Variants in SH3D19 observed in about 807,000 individuals in gnomAD.
SH3D19 encodes SH3 domain containing 19.
In SH3D19, 58 loss-of-function variants were observed where a neutral mutation model predicts 112.1. The observed-to-expected ratio is 0.52, with a 90% CI of 0.42 to 0.64. The LOEUF is 0.64. Ranked by LOEUF, SH3D19 falls within the 30% of genes least tolerant of loss-of-function variation. The pLI is 0.00. For missense variants in SH3D19, 1,090 were observed against 1,263.4 expected, an observed-to-expected ratio of 0.86 and a Z score of 2.08; for synonymous variants, 391 against 448.5, an observed-to-expected ratio of 0.87 and a Z score of 1.62.
At chr4:151,294,221 C>T (rs1473896055) in intron 1 of SH3D19, among the ~76,000 whole-genome samples, 1 of 152,232 alleles carries the variant, frequency 6.6e-6, no homozygotes, top group Non-Finnish European at 1.5e-5. Flanking sequence ...TTCAGCTTGT[C>T]TCCCTAACTG....
chr4:151,224,886 G>A (rs1008839150), intron 2 of SH3D19, among the ~76,000 whole-genome samples: 9 of 151,930 alleles, frequency 5.9e-5, no homozygotes, highest in Admixed American at 2.6e-4. Flanking sequence ...AGAATCTTAC[G>A]AACTGTTTAA....
chr4:151,290,135 A>G (rs1179665682), intron 1 of SH3D19, among the ~76,000 whole-genome samples: 3 of 152,164 alleles, frequency 2.0e-5, no homozygotes, highest in African/African-American at 7.2e-5. Flanking sequence ...TGTTTTGAAG[A>G]GACAGGGTTC....
intron 1 of SH3D19, chr4:151,279,925 G>A (rs1252655408): frequency 6.2e-7 from 1 of 1,613,460 alleles, no homozygotes; most frequent in African/African-American, 1.3e-5. Context: ...GTCAGTGAGA[G>A]GTTGATACTG....
At chr4:151,162,736 G>A (rs745390725) in intron 8 of SH3D19, among the ~76,000 whole-genome samples, 9 of 151,248 alleles carry the variant, frequency 6.0e-5, no homozygotes, top group South Asian at 2.1e-4. Flanking sequence ...CACCATGCCC[G>A]GCTTATTTTT....
intron 2 of SH3D19, among the ~76,000 whole-genome samples, chr4:151,198,935 G>A (rs918766075): frequency 4.6e-5 from 7 of 151,834 alleles, no homozygotes; most frequent in Non-Finnish European, 8.8e-5. Context: ...TCAGCAGTGG[G>A]TAGGCACGAA....
chr4:151,225,596 C>A (rs567303584), intron 2 of SH3D19, among the ~76,000 whole-genome samples: 1 of 152,254 alleles, frequency 6.6e-6, no homozygotes, highest in Admixed American at 6.5e-5. Flanking sequence ...AATAGCCAGC[C>A]ATCTCTGGCT....
intron 1 of SH3D19, among the ~76,000 whole-genome samples, chr4:151,258,404 G>T (rs1266600555): frequency 6.6e-6 from 1 of 152,200 alleles, no homozygotes; most frequent in East Asian, 1.9e-4. Context: ...CCAAATCAGG[G>T]ATCTGCCCTC....
At chr4:151,134,235 C>G (rs1297848680) in intron 15 of SH3D19, among the ~76,000 whole-genome samples, 2 of 152,230 alleles carry the variant, frequency 1.3e-5, no homozygotes, top group African/African-American at 4.8e-5. Context: ...CTGGGAGCAT[C>G]TGCTTATGTC....
chr4:151,247,716 T>C (rs1157815523), intron 1 of SH3D19, among the ~76,000 whole-genome samples: 1 of 152,192 alleles, frequency 6.6e-6, no homozygotes, highest in Non-Finnish European at 1.5e-5. Context: ...ATAACTTTAA[T>C]GTATATAAAC....
chr4:151,149,380 G>T (rs746537239), intron 10 of SH3D19, 120 bp downstream of exon 10: 2 of 732,248 alleles, frequency 2.7e-6, no homozygotes, highest in South Asian at 1.9e-5. Flanking sequence ...GCGTGAAATC[G>T]GTGAGATTAT....
Position 151,257,996 on chromosome 4 carries a change from G to A in SH3D19, c.113-31910C>T, listed in dbSNP as rs531473616. 1.2e-4 allele frequency among the ~76,000 whole-genome samples: 18 copies of A among 152,280 alleles called. No individual in the cohort carries two copies. In the South Asian group the frequency reaches 3.1e-3, roughly 26 times the overall value. On this transcript the variant is annotated intron_variant, in intron 1 of 19. Coordinates refer to ENST00000604030, the MANE Select transcript of SH3D19 (RefSeq NM_001378122.1). Reference sequence around the variant, plus strand: ...TCTGTGCCACACATACAAATGCTCTGTCAATAGTCCCATGTCACAGTCCCT... The same window carrying A: ...TCTGTGCCACACATACAAATGCTCTATCAATAGTCCCATGTCACAGTCCCT...
At chr4:151,281,428 C>G (rs1193432809) in intron 1 of SH3D19, among the ~76,000 whole-genome samples, 2 of 152,108 alleles carry the variant, frequency 1.3e-5, no homozygotes, top group Non-Finnish European at 2.9e-5. Flanking sequence ...GTTATGATAA[C>G]ACTGGCTAGG....
chr4:151,308,034 T>C (rs1729090701), intron 1 of SH3D19, among the ~76,000 whole-genome samples: 1 of 152,172 alleles, frequency 6.6e-6, no homozygotes, highest in African/African-American at 2.4e-5. Context: ...GCCTCCCGAA[T>C]AGCTGGGATT....
At chr4:151,199,109 A>G (rs1203503873) in intron 2 of SH3D19, among the ~76,000 whole-genome samples, 1 of 151,940 alleles carries the variant, frequency 6.6e-6, no homozygotes, top group Non-Finnish European at 1.5e-5. Flanking sequence ...AAAGTGATTT[A>G]AAATTATAAA....
Position 151,240,788 on chromosome 4 carries a change from G to T in SH3D19, c.113-14702C>A, listed in dbSNP as rs534684855. On this transcript the variant is annotated intron_variant, in intron 1 of 19. Coordinates refer to ENST00000604030, the MANE Select transcript of SH3D19 (RefSeq NM_001378122.1). Reference sequence around the variant, plus strand: ...TATACGACTCAGAAATTCTACTCAGGTTTATATCAAAGAGAAATACAAACA... The same window carrying T: ...TATACGACTCAGAAATTCTACTCAGTTTTATATCAAAGAGAAATACAAACA... 3.3e-5 allele frequency among the ~76,000 whole-genome samples: 5 copies of T among 151,492 alleles called. 1 individual carries two copies. The highest frequency in any genetic ancestry group is 7.4e-5 in the Non-Finnish European group (5 of 67,964).
chr4:151,306,927 T>C (rs188809433), intron 1 of SH3D19, among the ~76,000 whole-genome samples: 1 of 152,110 alleles, frequency 6.6e-6, no homozygotes, highest in Admixed American at 6.5e-5. Context: ...AATATCTTTA[T>C]CATCCACTCT....
intron 2 of SH3D19, among the ~76,000 whole-genome samples, chr4:151,214,640 C>G (rs1766677235): frequency 1.2e-4 from 1 of 8,552 alleles, no homozygotes; most frequent in Non-Finnish European, 3.0e-3. Context: ...GGGGGCTGAC[C>G]CCCCCCACCT....
At chr4:151,187,143 TA>T (rs767499139) in intron 3 of SH3D19, among the ~76,000 whole-genome samples, 52 of 139,608 alleles carry the variant, frequency 3.7e-4, no homozygotes, top group South Asian at 9.1e-4. Context: ...AGAGGCAAAT[TA>T]AAAAAAAAAA....
At chr4:151,190,207 G>T (rs780306343) in intron 2 of SH3D19, among the ~76,000 whole-genome samples, 1 of 152,166 alleles carries the variant, frequency 6.6e-6, no homozygotes, top group Non-Finnish European at 1.5e-5. Context: ...AAGTCACTTG[G>T]GTTCTTTTAA....
Sources: gnomAD v4.1 joint callset for allele counts (sites outside exome capture counted in the v4.1 genomes callset) on GRCh38, gnomAD v4.1.1 for gene constraint, MANE v1.5 for transcripts, NCBI Gene and HGNC (gene_info 2026-07-23, HGNC 2026-07-21) for gene names.